The following GALNT13 variants were observed in gnomAD, a reference collection of about 807,000 sequenced individuals.
GALNT13 encodes the protein polypeptide N-acetylgalactosaminyltransferase 13, also known as UDP-GalNAc:polypeptide N-acetylgalactosaminyltransferase 13.
GALNT13 carries 28 observed loss-of-function variants against 64.2 expected under a neutral mutation model. The ratio of observed to expected loss-of-function variants is 0.44; its 90% CI spans 0.32 to 0.60. GALNT13 has a LOEUF of 0.60. Among genes scored for constraint, GALNT13 ranks in the 20% least tolerant of loss-of-function variants. The pLI, the probability that GALNT13 is intolerant of heterozygous loss-of-function variation, is 0.05. For missense variants in GALNT13, 577 were observed against 669.8 expected (o/e 0.86, Z 1.53); for synonymous variants, 214 against 224.6 (o/e 0.95, Z 0.42).
chr2:154,152,221 T>C (rs1684081259), intron 4 of GALNT13, among the ~76,000 whole-genome samples: 1 of 152,216 alleles, frequency 6.6e-6, no homozygotes, highest in South Asian at 2.1e-4. Context: ...AAATTCTGGG[T>C]TGAAAATTCT....
chr2:153,239,523 A>G, the GALNT13 span, among the ~76,000 whole-genome samples: 1 of 151,940 alleles, frequency 6.6e-6, no homozygotes, highest in Admixed American at 6.6e-5. Context: ...TTGTATTTTG[A>G]GTGTTTTTAA....
chr2:154,377,065 T>C (rs1698033674), intron 9 of GALNT13, among the ~76,000 whole-genome samples: 1 of 152,154 alleles, frequency 6.6e-6, no homozygotes, highest in Non-Finnish European at 1.5e-5. Flanking sequence ...TTTATAATTC[T>C]ACCTGCAGGA....
chr2:153,496,677 C>T, the GALNT13 span, among the ~76,000 whole-genome samples: 3 of 152,068 alleles, frequency 2.0e-5, no homozygotes, highest in African/African-American at 7.2e-5. Context: ...AGGTGGGAAA[C>T]CACTGTTTCT....
At chr2:154,342,989 T>A (rs1311039348) in intron 9 of GALNT13, among the ~76,000 whole-genome samples, 10 of 152,048 alleles carry the variant, frequency 6.6e-5, no homozygotes, top group Non-Finnish European at 1.3e-4. Flanking sequence ...ATTGCAAGCA[T>A]TGTATTTAGT....
the GALNT13 span, among the ~76,000 whole-genome samples, chr2:153,230,932 C>A: frequency 6.6e-6 from 1 of 152,158 alleles, no homozygotes; most frequent in Admixed American, 6.5e-5. Context: ...CTTTTTAAAT[C>A]TTCTTGACTG....
the GALNT13 span, among the ~76,000 whole-genome samples, chr2:153,210,741 G>C: frequency 1.3e-5 from 2 of 152,138 alleles, no homozygotes; most frequent in Non-Finnish European, 2.9e-5. Context: ...AGTTCTGCAA[G>C]TTTAGTTGGC....
chr2:154,335,115 C>T (rs536302564), intron 9 of GALNT13, among the ~76,000 whole-genome samples: 1 of 151,920 alleles, frequency 6.6e-6, no homozygotes, highest in African/African-American at 2.4e-5. Context: ...TGTACATTTT[C>T]ATTCTACACC....
At chr2:154,090,713 T>C (rs887735084) in intron 3 of GALNT13, among the ~76,000 whole-genome samples, 22 of 152,030 alleles carry the variant, frequency 1.4e-4, no homozygotes, top group African/African-American at 5.1e-4. Flanking sequence ...CTTTCCTCTA[T>C]TAGGATATTT....
At chr2:154,216,802 C>CTTTTTTTTTTT (rs397872685) in intron 4 of GALNT13, among the ~76,000 whole-genome samples, 1 of 71,296 alleles carries the variant, frequency 1.4e-5, no homozygotes, top group Non-Finnish European at 2.6e-5. Context: ...TTCTCTCTCT[C>CTTTTTTTTTTT]TTTTTTTTTT....
the GALNT13 span, among the ~76,000 whole-genome samples, chr2:153,611,845 C>T: frequency 6.6e-6 from 1 of 151,782 alleles, no homozygotes; most frequent in South Asian, 2.1e-4. Flanking sequence ...TCCTAGTGCT[C>T]TCCCTCCCCT....
chr2:154,195,010 T>C lies in GALNT13; in HGVS notation c.312-47020T>C, dbSNP rs372216474. On this transcript the variant is annotated intron_variant, in intron 4 of 12. Coordinates refer to ENST00000392825, the MANE Select transcript of GALNT13 (RefSeq NM_052917.4). ...CACGTGCATTAGGTATTTGTCCTAA[T>C]GCTTTCCCTCCCCCTTGCCTTCCAT... Among the ~76,000 whole-genome samples, 16 of 152,132 alleles carry C rather than the reference T, an allele frequency of 1.1e-4. No homozygotes were observed. In the East Asian group the frequency reaches 3.1e-3, roughly 29 times the overall value.
At chr2:153,172,660 G>C in the GALNT13 span, among the ~76,000 whole-genome samples, 1 of 152,136 alleles carries the variant, frequency 6.6e-6, no homozygotes, top group African/African-American at 2.4e-5. Context: ...GGCAAACAAA[G>C]AAATGTTTTT....
intron 8 of GALNT13, among the ~76,000 whole-genome samples, chr2:154,263,558 GTATAAT>G (rs368743939): frequency 2.6e-5 from 4 of 152,218 alleles, no homozygotes; most frequent in African/African-American, 9.6e-5. Flanking sequence ...ATACATTAAA[GTATAAT>G]TATACTAAGT....
chr2:153,657,820 G>A, the GALNT13 span, among the ~76,000 whole-genome samples: 2 of 152,050 alleles, frequency 1.3e-5, no homozygotes, highest in Non-Finnish European at 2.9e-5. Context: ...TAGCAAGCCT[G>A]GGCTCTTATT....
intron 9 of GALNT13, among the ~76,000 whole-genome samples, chr2:154,315,171 T>C (rs1158723865): frequency 6.6e-6 from 1 of 152,158 alleles, no homozygotes; most frequent in Non-Finnish European, 1.5e-5. Context: ...TTACAGGACA[T>C]TAAACTCTCA....
intron 8 of GALNT13, among the ~76,000 whole-genome samples, chr2:154,296,018 T>A (rs1422582186): frequency 6.6e-6 from 1 of 152,184 alleles, no homozygotes; most frequent in Non-Finnish European, 1.5e-5. Flanking sequence ...AAGGGCCTTT[T>A]GGAGAGGAAG....
At chr2:153,429,641 A>G in the GALNT13 span, among the ~76,000 whole-genome samples, 2 of 152,300 alleles carry the variant, frequency 1.3e-5, no homozygotes, top group Middle Eastern at 6.8e-3. Context: ...ATTCCAGAGC[A>G]AAATTAATGT....
intron 7 of GALNT13, among the ~76,000 whole-genome samples, chr2:154,256,310 A>G (rs1690371451): frequency 6.6e-6 from 1 of 152,174 alleles, no homozygotes; most frequent in African/African-American, 2.4e-5. Flanking sequence ...ACAGAGAACC[A>G]AAGTTCCTAA....
At chr2:153,411,174 T>C in the GALNT13 span, among the ~76,000 whole-genome samples, 1 of 90,484 alleles carries the variant, frequency 1.1e-5, no homozygotes, top group African/African-American at 3.7e-5. Context: ...TATATATATA[T>C]ATATATTTTT....
Sources: allele counts gnomAD v4.1 joint callset (sites outside exome capture counted in the v4.1 genomes callset), GRCh38; gene constraint gnomAD v4.1.1; transcripts MANE v1.5; gene names NCBI Gene and HGNC (gene_info 2026-07-23, HGNC 2026-07-21).